The following N4BP2L2 variants were observed in gnomAD, a reference collection of about 807,000 sequenced individuals.
N4BP2L2 encodes NEDD4 binding protein 2 like 2.
In N4BP2L2, 50 loss-of-function variants were observed where a neutral mutation model predicts 56.2. The ratio of observed to expected loss-of-function variants is 0.89; its 90% CI spans 0.71 to 1.13. The LOEUF is 1.13. Among genes scored for constraint, N4BP2L2 ranks in the 50% most tolerant of loss-of-function variants. The pLI, the probability that N4BP2L2 is intolerant of heterozygous loss-of-function variation, is 0.00. For missense variants in N4BP2L2, 689 were observed against 693.8 expected (o/e 0.99, Z 0.08); for synonymous variants, 203 against 223.6 (o/e 0.91, Z 0.82).
chr13:32,517,680 C>T, exon 6 of N4BP2L2: 3 of 1,424,440 alleles, frequency 2.1e-6, no homozygotes, highest in Non-Finnish European at 2.7e-6. Flanking sequence ...AAACAACTTG[C>T]TGGGAACATC....
At chr13:32,477,592 A>T (rs961907297) in intron 6 of N4BP2L2, 4 of 295,860 alleles carry the variant, frequency 1.4e-5, no homozygotes, top group African/African-American at 8.7e-5. Flanking sequence ...GTTGATTGTT[A>T]TATAGCAACG....
chr13:32,456,590 CA>C (rs1164668686), intron 6 of N4BP2L2, among the ~76,000 whole-genome samples: 1 of 152,048 alleles, frequency 6.6e-6, no homozygotes, highest in Non-Finnish European at 1.5e-5. Flanking sequence ...CAAAGTAGCT[CA>C]GTGAGATACA....
chr13:32,520,138 C>A (rs1386783305), intron 5 of N4BP2L2, among the ~76,000 whole-genome samples: 1 of 151,772 alleles, frequency 6.6e-6, no homozygotes, highest in Non-Finnish European at 1.5e-5. Flanking sequence ...TTAGTTGGAC[C>A]CCATACACAG....
chr13:32,521,267 C>A, intron 5 of N4BP2L2, 106 bp downstream of exon 5: 1 of 880,170 alleles, frequency 1.1e-6, no homozygotes, highest in Non-Finnish European at 1.8e-6. Flanking sequence ...ATTTTACCCT[C>A]AGTTTCCTGA....
chr13:32,462,810 G>C (rs965165534), intron 6 of N4BP2L2, among the ~76,000 whole-genome samples: 1 of 130,934 alleles, frequency 7.6e-6, no homozygotes, highest in African/African-American at 2.8e-5. Flanking sequence ...CGGATCAAAA[G>C]GTCAGGAGAT....
At chr13:32,495,591 C>T (rs2088386878) in intron 6 of N4BP2L2, among the ~76,000 whole-genome samples, 1 of 152,116 alleles carries the variant, frequency 6.6e-6, no homozygotes, top group African/African-American at 2.4e-5. Flanking sequence ...TTACTGAATC[C>T]AGTTCCTGTT....
chr13:32,445,113 T>C (rs2076854889), intron 6 of N4BP2L2, among the ~76,000 whole-genome samples: 1 of 152,094 alleles, frequency 6.6e-6, no homozygotes, highest in Non-Finnish European at 1.5e-5. Context: ...TAGCTGGGCG[T>C]GGTGGTTCAC....
intron 6 of N4BP2L2, among the ~76,000 whole-genome samples, chr13:32,499,237 G>A (rs570730155): frequency 2.6e-5 from 4 of 152,038 alleles, no homozygotes; most frequent in African/African-American, 4.8e-5. Context: ...TTAACTGAAC[G>A]GTGAAAAGTA....
chr13:32,443,566 C>T lies in N4BP2L2; in HGVS notation c.926G>A (p.Arg309Lys), dbSNP rs1443052493. Residue 309 changes from arginine to lysine, a missense_variant, in exon 7 of 10, where the codon AGA (arginine) becomes AAA (lysine). Coordinates refer to the N4BP2L2 transcript ENST00000357505. ...TGAGAGATTTTTATCTACTATTTCTCTCTTCTTCATAAATAAGCATGAAGT... is the reference window on the plus strand; with the variant it reads ...TGAGAGATTTTTATCTACTATTTCTTTCTTCTTCATAAATAAGCATGAAGT... The T allele has an allele frequency of 3.7e-6, 6 of 1,611,334 alleles. No individual in the cohort carries two copies. The Admixed American group carries it at 1.0e-4, about 27-fold the overall frequency.
chr13:32,477,802 C>T, intron 6 of N4BP2L2: 1 of 1,178,446 alleles, frequency 8.5e-7, no homozygotes, highest in South Asian at 1.3e-5. Flanking sequence ...AAGAGGTATA[C>T]AGCTGAGAAA....
chr13:32,534,842 T>C (rs891370495), intron 2 of N4BP2L2, among the ~76,000 whole-genome samples: 1 of 152,210 alleles, frequency 6.6e-6, no homozygotes, highest in African/African-American at 2.4e-5. Context: ...TGAATCATCT[T>C]ATATAAACTC....
At chr13:32,441,976 T>C (rs1051399534) in intron 7 of N4BP2L2, among the ~76,000 whole-genome samples, 2 of 152,076 alleles carry the variant, frequency 1.3e-5, no homozygotes, top group Non-Finnish European at 2.9e-5. Flanking sequence ...CTTGGGAGGC[T>C]GAGGCAGGAG....
intron 7 of N4BP2L2, among the ~76,000 whole-genome samples, chr13:32,439,842 C>T (rs2076010958): frequency 7.8e-6 from 1 of 127,738 alleles, no homozygotes; most frequent in South Asian, 2.7e-4. Flanking sequence ...GAAACCCCAT[C>T]TCTATTAAGA....
At chr13:32,492,014 T>C (rs2087225174) in intron 6 of N4BP2L2, among the ~76,000 whole-genome samples, 1 of 152,192 alleles carries the variant, frequency 6.6e-6, no homozygotes, top group South Asian at 2.1e-4. Context: ...AAAAAAGATT[T>C]CCTTTGTAAG....
In N4BP2L2 at chr13:32,433,931, CAAA is replaced by C. The variant is rs60540916; in HGVS notation, c.*22-962_*22-960del. Among the ~76,000 whole-genome samples, 319 of 86,088 alleles carry C rather than the reference CAAA, an allele frequency of 3.7e-3. 1 individual carries two copies. The highest frequency in any genetic ancestry group is 0.016 in the East Asian group (47 of 3,010). 56.5% of individuals were successfully genotyped at this position (86,088 alleles called of 152,430 possible). Reference sequence around the variant, plus strand: ...GGGCAACAAGAGCAAGACCGTGTCTCAAAAAAAAAAAAAAAAAAAGAAAAGAAA... The same window carrying C: ...GGGCAACAAGAGCAAGACCGTGTCTCAAAAAAAAAAAAAAAAGAAAAGAAA... On this transcript the variant is annotated intron_variant, in intron 9 of 9. Coordinates refer to the N4BP2L2 transcript ENST00000357505.
intron 6 of N4BP2L2, among the ~76,000 whole-genome samples, chr13:32,492,514 T>C (rs1352212214): frequency 6.6e-6 from 1 of 152,158 alleles, no homozygotes; most frequent in Non-Finnish European, 1.5e-5. Flanking sequence ...GAAGTTAATA[T>C]ATTTAAGATG....
exon 6 of N4BP2L2, chr13:32,515,693 TA>T (rs2049046694): frequency 6.6e-6 from 1 of 152,072 alleles, no homozygotes; most frequent in Admixed American, 6.5e-5. Context: ...CTCCCAAAGG[TA>T]ATACTCTACT....
chr13:32,512,971 G>GCAGTGAGCC (rs1166278417), exon 6 of N4BP2L2: 1 of 151,962 alleles, frequency 6.6e-6, no homozygotes, highest in Non-Finnish European at 1.5e-5. Flanking sequence ...GGCAGAGCTT[G>GCAGTGAGCC]CAGTGAGCCA....
intron 3 of N4BP2L2, chr13:32,522,570 T>C (rs1444860897): frequency 2.0e-5 from 4 of 195,674 alleles, no homozygotes; most frequent in Non-Finnish European, 3.1e-5. Context: ...CTTTCACTTA[T>C]GGGAAATATA....
Sources: gnomAD v4.1 joint callset for allele counts (sites outside exome capture counted in the v4.1 genomes callset) on GRCh38, gnomAD v4.1.1 for gene constraint, MANE v1.5 for transcripts, NCBI Gene and HGNC (gene_info 2026-07-23, HGNC 2026-07-21) for gene names.